The following LSAMP variants were observed in gnomAD, a reference collection of about 807,000 sequenced individuals.
LSAMP encodes the protein limbic system associated membrane protein, also known as limbic system-associated membrane protein.
A neutral mutation model predicts 38.6 loss-of-function variants in LSAMP; 7 were observed. The observed-to-expected ratio is 0.18, with a 90% CI of 0.10 to 0.34. The LOEUF is 0.34. LSAMP is among the 10% of genes least tolerant of loss of function. The pLI is 1.00. For synonymous variants in LSAMP, 154 were observed against 166.8 expected, an observed-to-expected ratio of 0.92 and a Z score of 0.59; for missense variants, 313 against 420.0, an observed-to-expected ratio of 0.75 and a Z score of 2.23.
chr3:116,322,843 CTT>C (rs1427343810), intron 1 of LSAMP, among the ~76,000 whole-genome samples: 2 of 152,160 alleles, frequency 1.3e-5, no homozygotes, highest in East Asian at 3.9e-4. Context: ...TCTCTACTTT[CTT>C]TCCTCCTTCC....
At chr3:116,117,255 C>T (rs1708773404) in intron 1 of LSAMP, among the ~76,000 whole-genome samples, 1 of 152,130 alleles carries the variant, frequency 6.6e-6, no homozygotes, top group Non-Finnish European at 1.5e-5. Context: ...GGCTCCACTG[C>T]AGGGTGACCT....
chr3:116,015,369 C>T (rs561522375), intron 3 of LSAMP, among the ~76,000 whole-genome samples: 11 of 152,136 alleles, frequency 7.2e-5, no homozygotes, highest in East Asian at 3.9e-4. Context: ...GACTTAGAAA[C>T]GAAGTTAAAT....
chr3:115,892,248 ACAT>A lies in LSAMP; in HGVS notation c.515-39634_515-39632del, dbSNP rs769952952. Among the ~76,000 whole-genome samples the A allele has an allele frequency of 1.3e-4, 20 of 152,146 alleles. 1 individual carries two copies. Among genetic ancestry groups the A allele is most frequent in the South Asian group, 6.2e-4 (3 of 4,830 alleles). On this transcript the variant is annotated intron_variant, in intron 3 of 6. Transcript: ENST00000490035. ...GAATCCAGTGATCCCACTTCTAAAA[ACAT>A]CATAACCAACAGAAACAGGTTCATA... is the stretch of plus-strand genomic sequence containing the variant.
chr3:115,958,817 T>TA (rs147715862), intron 3 of LSAMP, among the ~76,000 whole-genome samples: 4 of 151,994 alleles, frequency 2.6e-5, no homozygotes, highest in Non-Finnish European at 4.4e-5. Flanking sequence ...GTTAAGCACT[T>TA]AAAAAAAATT....
At chr3:116,092,534 A>G (rs1708146509) in intron 1 of LSAMP, among the ~76,000 whole-genome samples, 1 of 152,232 alleles carries the variant, frequency 6.6e-6, no homozygotes, top group Non-Finnish European at 1.5e-5. Context: ...TCTTAAAAAA[A>G]TTAGGAAAGG....
intron 3 of LSAMP, among the ~76,000 whole-genome samples, chr3:116,000,784 G>C (rs1037175164): frequency 1.3e-5 from 2 of 152,130 alleles, no homozygotes; most frequent in African/African-American, 2.4e-5. Flanking sequence ...CACCAAATGA[G>C]ACTAAAGCAA....
chr3:116,350,407 C>T lies in LSAMP; in HGVS notation c.155+94470G>A, dbSNP rs181881078. ...ATTTCTGTTACTCTCAGCTGCAGTT[C>T]GAAAATATTAAATGGAAAATTCTAG... On this transcript the variant is annotated intron_variant, in intron 1 of 6. Coordinates refer to ENST00000490035, the MANE Select transcript of LSAMP (RefSeq NM_002338.5). 4.6e-5 allele frequency among the ~76,000 whole-genome samples: 7 copies of T among 151,916 alleles called. No individual in the cohort carries two copies. In the East Asian group the frequency reaches 7.7e-4, roughly 17 times the overall value.
chr3:116,265,236 G>A (rs1231292903), intron 1 of LSAMP, among the ~76,000 whole-genome samples: 1 of 152,006 alleles, frequency 6.6e-6, no homozygotes, highest in Non-Finnish European at 1.5e-5. Flanking sequence ...TGCTCTTCCT[G>A]AGAAAGGGTC....
chr3:116,077,303 AT>A (rs1448929950), intron 2 of LSAMP, among the ~76,000 whole-genome samples: 2 of 151,922 alleles, frequency 1.3e-5, no homozygotes, highest in Non-Finnish European at 2.9e-5. Context: ...TTAATTACCC[AT>A]CTTTTTCATG....
chr3:116,159,674 T>C (rs1293651046), intron 1 of LSAMP, among the ~76,000 whole-genome samples: 1 of 152,168 alleles, frequency 6.6e-6, no homozygotes, highest in Non-Finnish European at 1.5e-5. Flanking sequence ...ATTCAGTCAT[T>C]GTGGAAAGCA....
chr3:115,809,923 G>T lies in LSAMP; in HGVS notation c.*394C>A. Reference sequence around the variant, plus strand: ...GCAAGACCTTATTTTCTTCCCCACAGATGAAAAAAGATGAAGGAAGGAAGG... The same window carrying T: ...GCAAGACCTTATTTTCTTCCCCACATATGAAAAAAGATGAAGGAAGGAAGG... On this transcript the variant is annotated 3_prime_UTR_variant, in exon 7 of 7. Transcript: ENST00000490035. The T allele has an allele frequency of 6.3e-6, 1 of 157,740 alleles. No homozygotes were observed. Among genetic ancestry groups the T allele is most frequent in the East Asian group, 1.9e-4 (1 of 5,334 alleles). The allele number at this position is 157,740 out of a possible 1,614,324, so 9.8% of individuals were successfully genotyped here.
At chr3:116,003,995 G>A (rs1220370622) in intron 3 of LSAMP, among the ~76,000 whole-genome samples, 2 of 152,142 alleles carry the variant, frequency 1.3e-5, no homozygotes, top group Non-Finnish European at 2.9e-5. Flanking sequence ...GTTAGTTGAT[G>A]GTGCAGATGT....
chr3:115,923,125 A>G (rs1937420799), intron 3 of LSAMP, among the ~76,000 whole-genome samples: 1 of 152,118 alleles, frequency 6.6e-6, no homozygotes, highest in African/African-American at 2.4e-5. Context: ...GCCTCTTTCC[A>G]TGCTTCTGTG....
At chr3:116,212,585 A>G (rs1204260470) in intron 1 of LSAMP, among the ~76,000 whole-genome samples, 1 of 152,184 alleles carries the variant, frequency 6.6e-6, no homozygotes, top group African/African-American at 2.4e-5. Flanking sequence ...AAGTAAAATT[A>G]TCTTCAAAGA....
Position 115,806,577 on chromosome 3 carries a change from T to C in LSAMP, c.*3740A>G, listed in dbSNP as rs1372911572. On this transcript the variant is annotated 3_prime_UTR_variant, in exon 7 of 7. Coordinates refer to ENST00000490035, the MANE Select transcript of LSAMP (RefSeq NM_002338.5). The stretch of plus-strand genomic sequence containing the variant: ...TTTTTGGAGGAGAAACAGATTTTTG[T>C]TTGGTCCTCCAAGAACGTGAAAATC... The C allele has an allele frequency of 6.6e-6, 1 of 152,194 alleles. No individual in the cohort carries two copies. The highest frequency in any genetic ancestry group is 1.5e-5 in the Non-Finnish European group (1 of 68,032). 9.4% of individuals were successfully genotyped at this position (152,194 alleles called of 1,614,324 possible). A position where few individuals can be genotyped will look rare whatever the true frequency, so the allele number is the denominator to read the frequency against.
intron 1 of LSAMP, among the ~76,000 whole-genome samples, chr3:116,272,112 C>T (rs1328128509): frequency 1.3e-5 from 2 of 151,678 alleles, no homozygotes; most frequent in Non-Finnish European, 2.9e-5. Context: ...ACCTATACAG[C>T]ATATGTCTCA....
intron 1 of LSAMP, among the ~76,000 whole-genome samples, chr3:116,228,528 T>C (rs2107624618): frequency 6.6e-6 from 1 of 152,208 alleles, no homozygotes; most frequent in East Asian, 1.9e-4. Context: ...ATATGATGAT[T>C]AAATGAACCT....
chr3:115,999,781 T>C (rs906658689), intron 3 of LSAMP, among the ~76,000 whole-genome samples: 7 of 152,100 alleles, frequency 4.6e-5, no homozygotes, highest in Non-Finnish European at 1.0e-4. Flanking sequence ...TGCCTCGGGC[T>C]CTCATGGGAA....
intron 1 of LSAMP, among the ~76,000 whole-genome samples, chr3:116,374,330 G>T (rs1465252389): frequency 6.6e-6 from 1 of 151,852 alleles, no homozygotes; most frequent in Non-Finnish European, 1.5e-5. Flanking sequence ...CTTTTTGCAT[G>T]GAGACATTTG....
Sources: gnomAD v4.1 joint callset for allele counts (sites outside exome capture counted in the v4.1 genomes callset) on GRCh38, gnomAD v4.1.1 for gene constraint, MANE v1.5 for transcripts, NCBI Gene and HGNC (gene_info 2026-07-23, HGNC 2026-07-21) for gene names.